The following TRIM3 variants were observed in gnomAD, a reference collection of about 807,000 sequenced individuals.
TRIM3 encodes the protein tripartite motif containing 3.
TRIM3 carries 13 observed loss-of-function variants against 66.6 expected under a neutral mutation model. The ratio of observed to expected loss-of-function variants is 0.20; its 90% CI spans 0.13 to 0.31. The LOEUF (loss-of-function observed/expected upper bound fraction) is 0.31, where lower values mean the gene tolerates loss of function less well. TRIM3 is among the 10% of genes least tolerant of loss of function. The pLI is 1.00. For missense variants in TRIM3, 711 were observed against 1,020.4 expected, an observed-to-expected ratio of 0.70 and a Z score of 4.13; for synonymous variants, 406 against 411.7, an observed-to-expected ratio of 0.99 and a Z score of 0.17.
chr11:6,469,665 T>G (rs1236508560), intron 1 of TRIM3, among the ~76,000 whole-genome samples: 1 of 152,182 alleles, frequency 6.6e-6, no homozygotes, highest in Non-Finnish European at 1.5e-5. Flanking sequence ...CTGCTAGGCC[T>G]GGGGACACAA....
At position 6,456,450 on chromosome 11, in the gene TRIM3, G is replaced by A. The variant is rs149316010; in HGVS notation, c.1276C>T (p.Pro426Ser). The A allele has an allele frequency of 2.6e-6, 4 of 1,537,586 alleles. No homozygotes were observed. The highest frequency in any genetic ancestry group is 3.5e-6 in the Non-Finnish European group (4 of 1,139,686). Reference protein sequence around the residue: ...VRALRPGDLPPSPDDVKRRVK... With the variant: ...VRALRPGDLPSSPDDVKRRVK... ...CGGCGCTTCACATCGTCCGGGGAAG[G>A]TGGCAGGTCCCCCGGACGCAGGGCA... Residue 426 changes from proline (P) to serine (S), a missense_variant, in exon 6 of 12, where the codon CCT becomes TCT. Around this residue, in one of 3 missense-constraint regions of TRIM3, gnomAD observed 399 missense variants for 458.1 expected, o/e 0.87. Coordinates refer to ENST00000345851, the MANE Select transcript of TRIM3 (RefSeq NM_033278.4). This position sits in a 1 kb window ranked among gnomAD's most constrained non-coding sequence, Gnocchi z 6.4.
At chr11:6,465,825 C>T in intron 1 of TRIM3, 93 bp from the exon 2 acceptor site, 1 of 1,152,678 alleles carries the variant, frequency 8.7e-7, no homozygotes, top group Non-Finnish European at 1.2e-6. Context: ...AACTTGCCCC[C>T]ACCTCTTCCC....
chr11:6,460,474 T>C (rs1850177632), intron 2 of TRIM3, among the ~76,000 whole-genome samples: 2 of 151,770 alleles, frequency 1.3e-5, no homozygotes, highest in Admixed American at 6.6e-5. Context: ...GAGGAGAAGA[T>C]CTTGAGGATT....
At chr11:6,463,988 G>A (rs1359135395) in intron 2 of TRIM3, among the ~76,000 whole-genome samples, 3 of 152,204 alleles carry the variant, frequency 2.0e-5, no homozygotes, top group African/African-American at 4.8e-5. Flanking sequence ...CCAGGTTTCC[G>A]TTGGGGCAGA....
chr11:6,457,931 C>T lies in TRIM3; in HGVS notation c.364-84G>A. ...CCCACCTGCCCTCCCTGCCCCTCAC[C>T]TTCTAAGTGCACCCCCTACCTGGAC... On this transcript the variant is annotated intron_variant, in intron 3 of 11. Coordinates refer to ENST00000345851, the MANE Select transcript of TRIM3 (RefSeq NM_033278.4). This position sits in a 1 kb window ranked among gnomAD's most constrained non-coding sequence, Gnocchi z 4.5. 1.3e-6 allele frequency: 2 copies of T among 1,576,932 alleles called. No homozygotes were observed. Among genetic ancestry groups the T allele is most frequent in the Non-Finnish European group, 1.7e-6 (2 of 1,157,802 alleles).
chr11:6,456,084 G>A lies in TRIM3; in HGVS notation c.1521C>T (p.Asn507=). Residue 507 remains asparagine (N), a synonymous_variant, in exon 7 of 12, where the codon AAC becomes AAT. Coordinates refer to ENST00000345851, the MANE Select transcript of TRIM3 (RefSeq NM_033278.4). The surrounding 1 kb of genome is among the most constrained non-coding windows in gnomAD (Gnocchi z 6.4). ...TAAAGGTGCTTACCTGAATACACTG[G>A]TTGTTGCTGTCTGCTACCACGATGC... ...SGRIVVADSN[N]QCIQVFSNEG... 6.2e-7 allele frequency: 1 copy of A among 1,614,164 alleles called. No homozygotes were observed. The highest frequency in any genetic ancestry group is 8.5e-7 in the Non-Finnish European group (1 of 1,180,024).
chr11:6,464,327 T>C (rs1222520826), intron 2 of TRIM3, among the ~76,000 whole-genome samples: 1 of 152,148 alleles, frequency 6.6e-6, no homozygotes, highest in African/African-American at 2.4e-5. Flanking sequence ...ACATGAGCTT[T>C]TCCAATGGTC....
At position 6,456,946 on chromosome 11, in the gene TRIM3, G is replaced by T; in HGVS notation, c.780C>A (p.Arg260=). The change falls in exon 6 of 12, where the codon CGC becomes CGA. Residue 260 remains arginine, a synonymous_variant. Transcript: ENST00000345851. The surrounding 1 kb of genome is among the most constrained non-coding windows in gnomAD (Gnocchi z 6.4). ...SSCSFAEQAL[R]LGSAPEVLLV... is the part of the protein sequence containing the mutation. ...GCAACACCTCCGGGGCCGAGCCCAG[G>T]CGCAGTGCCTGCTCTGCAAAGCTGC... 6.2e-7 allele frequency: 1 copy of T among 1,610,122 alleles called. No individual in the cohort carries two copies.
At position 6,465,673 on chromosome 11, in the gene TRIM3, G is replaced by A. The variant is rs1442511484; in HGVS notation, c.23C>T (p.Pro8Leu). The part of the protein sequence containing the change: MAKREDS[P>L]GPEVQPMDKQ... ...GTCCATTGGCTGGACCTCTGGGCCAGGGCTGTCCTCCCTCTTTGCCATGGC... is the reference window on the plus strand; with the variant it reads ...GTCCATTGGCTGGACCTCTGGGCCAAGGCTGTCCTCCCTCTTTGCCATGGC... Residue 8 changes from proline (P) to leucine (L), a missense_variant, in exon 2 of 12, where the codon CCT (proline) becomes CTT (leucine). Pro to Leu is a moderately conservative substitution (Grantham distance 98). Coordinates refer to ENST00000345851, the MANE Select transcript of TRIM3 (RefSeq NM_033278.4). 6.2e-7 allele frequency: 1 copy of A among 1,614,150 alleles called. No homozygotes were observed. Among genetic ancestry groups the A allele is most frequent in the Non-Finnish European group, 8.5e-7 (1 of 1,180,014 alleles).
rs1589830773 is a variant in TRIM3, at chr11:6,458,352, T to C, written c.132-56A>G. The stretch of plus-strand genomic sequence containing the variant: ...TGGGTGGGGTGGCATAAGTGCACCC[T>C]TCCTTATACTTCCCATGGGTGCCAA... On this transcript the variant is annotated intron_variant, in intron 2 of 11. Coordinates refer to ENST00000345851, the MANE Select transcript of TRIM3 (RefSeq NM_033278.4). The surrounding 1 kb of genome is among the most constrained non-coding windows in gnomAD (Gnocchi z 6.2). 7.2e-7 allele frequency: 1 copy of C among 1,396,840 alleles called. No homozygotes were observed. Among genetic ancestry groups the C allele is most frequent in the South Asian group, 1.2e-5 (1 of 80,290 alleles). The allele number at this position is 1,396,840 out of a possible 1,614,324, so 86.5% of individuals were successfully genotyped here.
intron 2 of TRIM3, among the ~76,000 whole-genome samples, chr11:6,464,170 A>C (rs927184433): frequency 2.0e-5 from 3 of 152,172 alleles, no homozygotes; most frequent in African/African-American, 4.8e-5. Flanking sequence ...TAAAGGTGAA[A>C]TTCCCTAACA....
In TRIM3 at chr11:6,457,572, TC is replaced by T; in HGVS notation, c.516-97del. On this transcript the variant is annotated intron_variant, in intron 4 of 11. Coordinates refer to ENST00000345851, the MANE Select transcript of TRIM3 (RefSeq NM_033278.4). The surrounding 1 kb of genome is among the most constrained non-coding windows in gnomAD (Gnocchi z 4.5). ...ACCTACTGCTGCCCTCATGGAGATC[TC>T]CTTCCTGAGACCTCCCTGAGACTTC... 1.3e-6 allele frequency: 2 copies of T among 1,553,168 alleles called. No homozygotes were observed. Among genetic ancestry groups the T allele is most frequent in the Non-Finnish European group, 1.7e-6 (2 of 1,145,568 alleles).
At chr11:6,454,386 CAAAAA>C (rs10665333) in intron 7 of TRIM3, among the ~76,000 whole-genome samples, 1 of 129,238 alleles carries the variant, frequency 7.7e-6, no homozygotes, top group African/African-American at 2.9e-5. Context: ...GACCCTGTCT[CAAAAA>C]AAAAAAAAAA....
In TRIM3 at chr11:6,449,100, C is replaced by A; in HGVS notation, c.2163G>T (p.Leu721=). 3 of 1,614,178 alleles carry A rather than the reference C, an allele frequency of 1.9e-6. No homozygotes were observed. The highest frequency in any genetic ancestry group is 1.7e-6 in the Non-Finnish European group (2 of 1,180,028). The change falls in exon 12 of 12, where the codon CTG becomes CTT. Residue 721 remains leucine (L), a synonymous_variant. Transcript: ENST00000345851. The surrounding 1 kb of genome is among the most constrained non-coding windows in gnomAD (Gnocchi z 5.3). ...EPLYGPQGLA[L]TSDGHVVVAD... The stretch of plus-strand genomic sequence containing the variant: ...CCACCACCACATGGCCATCCGAGGT[C>A]AGTGCCAGGCCCTGTGGACCATACA...
rs147338905 is a variant in TRIM3 at position 6,455,702 on chromosome 11, G to A, written c.1533+370C>T. Among the ~76,000 whole-genome samples, 26 of 152,262 alleles carry A rather than the reference G, an allele frequency of 1.7e-4. 1 individual carries two copies. The East Asian group carries it at 4.2e-3, about 25-fold the overall frequency. On this transcript the variant is annotated intron_variant, in intron 7 of 11. Transcript: ENST00000345851. ...GCCAGGCATGCATGTTGGAAGACAC[G>A]GAGGGCAGGCCACCAGGAGAAAAAG...
At chr11:6,460,843 T>C (rs1359245858) in intron 2 of TRIM3, among the ~76,000 whole-genome samples, 1 of 152,070 alleles carries the variant, frequency 6.6e-6, no homozygotes, top group African/African-American at 2.4e-5. Flanking sequence ...TTCTAAGTGC[T>C]TCACAAGTAT....
At chr11:6,467,281 G>A (rs1277447236) in intron 1 of TRIM3, among the ~76,000 whole-genome samples, 4 of 152,132 alleles carry the variant, frequency 2.6e-5, no homozygotes, top group Non-Finnish European at 4.4e-5. Context: ...GGGTGAGGGT[G>A]AGAAACAACA....
At chr11:6,459,254 G>A (rs544194455) in intron 2 of TRIM3, among the ~76,000 whole-genome samples, 3 of 152,328 alleles carry the variant, frequency 2.0e-5, no homozygotes, top group African/African-American at 7.2e-5. Context: ...GATGTGGCTG[G>A]CTAGAGACAA....
At chr11:6,462,162 A>G (rs1021251998) in intron 2 of TRIM3, among the ~76,000 whole-genome samples, 5 of 152,190 alleles carry the variant, frequency 3.3e-5, no homozygotes, top group Non-Finnish European at 5.9e-5. Flanking sequence ...GACTATATAG[A>G]ATAGTTCTTG....
Sources: gnomAD v4.1 joint callset for allele counts (sites outside exome capture counted in the v4.1 genomes callset) on GRCh38, gnomAD v4.1.1 for gene constraint, gnomAD v4.1.1 regional missense constraint, Gnocchi (gnomAD v3.1) non-coding constraint, MANE v1.5 for transcripts, NCBI Gene and HGNC (gene_info 2026-07-23, HGNC 2026-07-21) for gene names.